TG: variants seen among roughly 807,000 people sequenced by gnomAD.
TG encodes the protein thyroglobulin.
Under a neutral mutation model 324.7 loss-of-function variants are expected in TG, and 270 were observed. The observed-to-expected ratio is 0.83, with a 90% CI of 0.75 to 0.92. TG has a LOEUF of 0.92. Among genes scored for constraint, TG ranks in the 40% least tolerant of loss-of-function variants. The pLI is 0.00. For synonymous variants in TG, 1,401 were observed against 1,327.0 expected (o/e 1.06, Z -1.21); for missense variants, 3,591 against 3,456.4 (o/e 1.04, Z -0.98).
chr8:132,982,853 C>T (rs151254700), intron 34 of TG, among the ~76,000 whole-genome samples: 120 of 152,310 alleles, frequency 7.9e-4, no homozygotes, highest in African/African-American at 2.7e-3. Context: ...GTTTCCCACA[C>T]GTTTCGACTC....
rs758267135 is a variant in TG, at chr8:132,898,804, C to G, written c.3224C>G (p.Thr1075Arg). ...ARSLQIPQCPTTCEKSRTSGL... is the reference protein window; with the variant it reads ...ARSLQIPQCPRTCEKSRTSGL... ...GCACCTCTCTCTCCCACAGGCCCGA[C>G]AACCTGCGAGAAATCTCGAACCAGT... Residue 1075 changes from threonine (T) to arginine (R), a missense_variant, in exon 14 of 48, where the codon ACA (threonine) becomes AGA (arginine). By Grantham distance (71) the Thr-to-Arg change is moderately conservative (BLOSUM62 -1). Coordinates refer to ENST00000220616, the MANE Select transcript of TG (RefSeq NM_003235.5). 1 of 1,613,986 alleles carries G rather than the reference C, an allele frequency of 6.2e-7. No homozygotes were observed. Among genetic ancestry groups the G allele is most frequent in the Admixed American group, 1.7e-5 (1 of 60,008 alleles).
At chr8:132,910,213 T>C (rs1819310820) in intron 18 of TG, among the ~76,000 whole-genome samples, 1 of 152,094 alleles carries the variant, frequency 6.6e-6, no homozygotes, top group African/African-American at 2.4e-5. Context: ...CATGCTACAT[T>C]CAGGCTTCAT....
intron 18 of TG, 145 bp from the exon 19 acceptor site, chr8:132,911,232 G>A: frequency 7.1e-7 from 1 of 1,400,406 alleles, no homozygotes; most frequent in Non-Finnish European, 9.9e-7. Flanking sequence ...TGGAAAAGGG[G>A]GTCACTATTC....
chr8:132,887,569 A>G, intron 9 of TG, 21 bp downstream of exon 9: 3 of 1,614,166 alleles, frequency 1.9e-6, no homozygotes, highest in Non-Finnish European at 1.7e-6. Context: ...TGGGTATTCA[A>G]TCTGTAGGTT....
At chr8:133,113,056 G>C (rs1850394918) in intron 43 of TG, among the ~76,000 whole-genome samples, 1 of 152,178 alleles carries the variant, frequency 6.6e-6, no homozygotes, top group Admixed American at 6.5e-5. Context: ...TGAGCAAGGA[G>C]CCCGGGAAAG....
intron 35 of TG, chr8:132,994,796 C>A: frequency 7.8e-7 from 1 of 1,286,458 alleles, no homozygotes; most frequent in Non-Finnish European, 1.0e-6. Context: ...TACCTGGTGT[C>A]ATGGGAAGGT....
chr8:133,067,904 AAGGAAGGAAGGAAAG>A (rs1843310976), intron 41 of TG, among the ~76,000 whole-genome samples: 1 of 57,070 alleles, frequency 1.8e-5, no homozygotes, highest in South Asian at 4.1e-4. Context: ...GGAAGGAAGG[AAGGAAGGAAGGAAAG>A]AGAGAGAGAG....
intron 36 of TG, among the ~76,000 whole-genome samples, 189 bp from the exon 37 acceptor site, chr8:133,013,411 G>C (rs1006897407): frequency 2.0e-5 from 3 of 152,024 alleles, no homozygotes; most frequent in Admixed American, 1.3e-4. Context: ...GGATGGAAGA[G>C]TAGATGAGTG....
At chr8:132,935,901 G>A (rs754846487) in intron 25 of TG, 37 bp downstream of exon 25, 4 of 1,517,860 alleles carry the variant, frequency 2.6e-6, no homozygotes, top group Non-Finnish European at 3.6e-6. Context: ...GGCCCGCGGT[G>A]GCTTCACACG....
At chr8:133,115,170 C>A (rs1473239539) in intron 44 of TG, among the ~76,000 whole-genome samples, 1 of 152,164 alleles carries the variant, frequency 6.6e-6, no homozygotes, top group Non-Finnish European at 1.5e-5. Context: ...ACCTTAAGGA[C>A]AACCTGCGTG....
At chr8:133,000,719 G>A (rs574445436) in intron 35 of TG, among the ~76,000 whole-genome samples, 5 of 152,320 alleles carry the variant, frequency 3.3e-5, no homozygotes, top group East Asian at 1.9e-4. Flanking sequence ...ATGTGCATGC[G>A]ATAGGGTGGG....
At chr8:132,961,142 C>A (rs1457669106) in intron 28 of TG, 69 bp downstream of exon 28, 4 of 1,450,196 alleles carry the variant, frequency 2.8e-6, no homozygotes, top group African/African-American at 1.4e-5. Context: ...CACCACCTCT[C>A]ATTCACAGGG....
In TG at chr8:132,983,332, C is replaced by A. The variant is rs528007194; in HGVS notation, c.6200-18C>A. The A allele has an allele frequency of 2.5e-6, 4 of 1,613,846 alleles. No homozygotes were observed. The highest frequency in any genetic ancestry group is 3.4e-6 in the Non-Finnish European group (4 of 1,179,736). ...ATGGGGGTAGAAAAGAACTGAAAGA[C>A]TGCTTTTTCCTTTTCAGTTGCTCAA... is the stretch of plus-strand genomic sequence containing the variant. On this transcript the variant is annotated intron_variant, in intron 34 of 47. Transcript: ENST00000220616.
chr8:133,030,076 G>A (rs768096596), intron 41 of TG, 53 bp downstream of exon 41: 379 of 1,609,174 alleles, frequency 2.4e-4, no homozygotes, highest in Middle Eastern at 3.5e-4. Flanking sequence ...GCTGGGGGAG[G>A]TGGTTCTCCT....
intron 43 of TG, among the ~76,000 whole-genome samples, chr8:133,110,627 T>C (rs1479066717): frequency 6.6e-6 from 1 of 152,222 alleles, no homozygotes; most frequent in Non-Finnish European, 1.5e-5. Flanking sequence ...AGTAGGTCTC[T>C]TTGATTAAGG....
At chr8:133,129,647 G>A (rs920345969) in intron 45 of TG, among the ~76,000 whole-genome samples, 2 of 151,936 alleles carry the variant, frequency 1.3e-5, no homozygotes, top group African/African-American at 4.8e-5. Context: ...TAGGCACACG[G>A]CACCACACCC....
chr8:133,116,955 T>C (rs146358151), intron 45 of TG, among the ~76,000 whole-genome samples: 1 of 152,338 alleles, frequency 6.6e-6, no homozygotes, highest in East Asian at 1.9e-4. Context: ...ATGTTAGTTA[T>C]TAATTGATTA....
At chr8:132,895,502 T>G (rs1329211248) in intron 11 of TG, among the ~76,000 whole-genome samples, 1 of 152,246 alleles carries the variant, frequency 6.6e-6, no homozygotes, top group East Asian at 1.9e-4. Context: ...AGGCACTGTG[T>G]CTTATTCTTT....
At chr8:133,110,469 T>C (rs571413764) in intron 43 of TG, among the ~76,000 whole-genome samples, 1 of 152,342 alleles carries the variant, frequency 6.6e-6, no homozygotes, top group South Asian at 2.1e-4. Context: ...GGAATTAGCA[T>C]AGAAATAAAA....
Sources: gnomAD v4.1 joint callset for allele counts (sites outside exome capture counted in the v4.1 genomes callset) on GRCh38, gnomAD v4.1.1 for gene constraint, MANE v1.5 for transcripts, NCBI Gene and HGNC (gene_info 2026-07-23, HGNC 2026-07-21) for gene names.